The following DUSP13B variants were observed in gnomAD, a reference collection of about 807,000 sequenced individuals.
The protein encoded by DUSP13B is dual specificity protein phosphatase 13B.
the DUSP13B span, among the ~76,000 whole-genome samples, chr10:75,105,480 T>C: frequency 6.6e-6 from 1 of 152,170 alleles, no homozygotes; most frequent in Non-Finnish European, 1.5e-5. Flanking sequence ...GGTGAGACCC[T>C]GGGTAGGTTA....
the DUSP13B span, chr10:75,098,977 C>G: frequency 1.5e-5 from 18 of 1,232,108 alleles, no homozygotes; most frequent in East Asian, 3.2e-5. Context: ...CTCAAGGGAG[C>G]CTGGTACTGC....
At chr10:75,101,889 C>G in the DUSP13B span, 6 of 1,367,116 alleles carry the variant, frequency 4.4e-6, no homozygotes, top group South Asian at 6.8e-5. Context: ...CTGGCCCAGG[C>G]TGTGCACTTC....
the DUSP13B span, chr10:75,108,309 T>A: frequency 6.7e-7 from 1 of 1,486,204 alleles, no homozygotes; most frequent in Non-Finnish European, 8.9e-7. Context: ...GCCATTAGGG[T>A]CCAAAGAGAG....
chr10:75,104,200 T>A, the DUSP13B span: 3 of 768,044 alleles, frequency 3.9e-6, no homozygotes, highest in Non-Finnish European at 3.7e-6. Context: ...AACCTGCTTC[T>A]GCCTTGAGCC....
the DUSP13B span, among the ~76,000 whole-genome samples, chr10:75,098,350 C>T: frequency 2.3e-4 from 35 of 152,326 alleles, no homozygotes; most frequent in African/African-American, 7.9e-4. Flanking sequence ...CTCAGACCCC[C>T]GTCCCCTCCC....
chr10:75,108,125 C>T, the DUSP13B span: 5 of 1,613,618 alleles, frequency 3.1e-6, no homozygotes, highest in East Asian at 8.9e-5. Flanking sequence ...CAGGGCCGCC[C>T]TGACAGTAGA....
chr10:75,103,969 G>A, the DUSP13B span: 1 of 1,334,136 alleles, frequency 7.5e-7, no homozygotes, highest in Non-Finnish European at 9.9e-7. Context: ...AGGCTCTAGG[G>A]CCGACCCCAC....
the DUSP13B span, among the ~76,000 whole-genome samples, chr10:75,097,028 T>C: frequency 6.6e-6 from 1 of 152,158 alleles, no homozygotes; most frequent in African/African-American, 2.4e-5. Context: ...ACTGTTTAGA[T>C]ATATAGGTGG....
the DUSP13B span, among the ~76,000 whole-genome samples, chr10:75,102,985 C>G: frequency 6.6e-6 from 1 of 151,922 alleles, no homozygotes; most frequent in Admixed American, 6.6e-5. Flanking sequence ...TGGTGGCACA[C>G]ACTTATAGTC....
the DUSP13B span, among the ~76,000 whole-genome samples, chr10:75,098,654 A>G: frequency 6.6e-6 from 1 of 152,008 alleles, no homozygotes. Context: ...CCCAGCTACT[A>G]GGGAGGCTGA....
the DUSP13B span, among the ~76,000 whole-genome samples, chr10:75,107,607 C>T: frequency 1.3e-5 from 2 of 151,754 alleles, no homozygotes; most frequent in African/African-American, 2.4e-5. Flanking sequence ...GATGGAGTTT[C>T]GCCCTTTTGC....
At chr10:75,094,874 G>A in the DUSP13B span, 64 of 1,613,756 alleles carry the variant, frequency 4.0e-5, no homozygotes, top group South Asian at 3.4e-4. Flanking sequence ...GTACCAGCAC[G>A]CGGCCTGTAG....
the DUSP13B span, chr10:75,102,089 C>A: frequency 9.0e-6 from 5 of 557,444 alleles, no homozygotes; most frequent in Non-Finnish European, 1.2e-5. Flanking sequence ...AGGCACCTTT[C>A]CCTCCAGGCC....
the DUSP13B span, chr10:75,101,998 G>A: frequency 1.2e-4 from 160 of 1,344,700 alleles, no homozygotes; most frequent in African/African-American, 2.2e-3. Flanking sequence ...AAAGCATGCT[G>A]TCTACTCCCC....
chr10:75,095,509 AC>A, the DUSP13B span: 1 of 1,439,896 alleles, frequency 6.9e-7, no homozygotes. Flanking sequence ...CACCAGTGCT[AC>A]TGGAATAATG....
chr10:75,100,426 C>G, the DUSP13B span, among the ~76,000 whole-genome samples: 1 of 152,214 alleles, frequency 6.6e-6, no homozygotes, highest in Non-Finnish European at 1.5e-5. Context: ...GCCACCCCCC[C>G]AGGGACTCGT....
At chr10:75,108,093 C>T in the DUSP13B span, 2 of 1,613,898 alleles carry the variant, frequency 1.2e-6, no homozygotes, top group African/African-American at 1.3e-5. Context: ...CCCCAGGTAG[C>T]TCACACTGCT....
At chr10:75,097,679 G>A in the DUSP13B span, 51 of 1,510,304 alleles carry the variant, frequency 3.4e-5, no homozygotes, top group Non-Finnish European at 4.2e-5. Flanking sequence ...ACACCCTTCC[G>A]CCATCCCCAC....
chr10:75,105,416 G>A, the DUSP13B span, among the ~76,000 whole-genome samples: 3 of 152,176 alleles, frequency 2.0e-5, no homozygotes, highest in African/African-American at 7.2e-5. Context: ...TCCAGGTGGG[G>A]TGGGGGATAT....
Sources: gnomAD v4.1 joint callset for allele counts (sites outside exome capture counted in the v4.1 genomes callset) on GRCh38, gnomAD v4.1.1 for gene constraint, MANE v1.5 for transcripts, NCBI Gene and HGNC (gene_info 2026-07-23, HGNC 2026-07-21) for gene names.